The following ROBO1 variants were observed in gnomAD, a reference collection of about 807,000 sequenced individuals.
The protein encoded by ROBO1 is roundabout homolog 1.
ROBO1 carries 149 observed loss-of-function variants against 195.9 expected under a neutral mutation model. The observed-to-expected ratio is 0.76, with a 90% CI of 0.67 to 0.87. ROBO1 has a LOEUF of 0.87. Among genes scored for constraint, ROBO1 ranks in the 40% least tolerant of loss-of-function variants. The probability of loss-of-function intolerance (pLI) is 0.00; values close to 1 mark genes in which losing one functional copy is unlikely to be tolerated. For synonymous variants in ROBO1, 816 were observed against 733.2 expected (o/e 1.11, Z -1.82); for missense variants, 1,933 against 2,068.3 (o/e 0.93, Z 1.27).
intron 2 of ROBO1, among the ~76,000 whole-genome samples, chr3:79,468,170 T>C (rs946642612): frequency 8.5e-5 from 13 of 152,178 alleles, no homozygotes; most frequent in Admixed American, 2.6e-4. Context: ...AAACTAAAAG[T>C]TCCATGAAAA....
intron 5 of ROBO1, among the ~76,000 whole-genome samples, chr3:78,743,742 C>T (rs1253607317): frequency 6.6e-6 from 1 of 152,154 alleles, no homozygotes; most frequent in Non-Finnish European, 1.5e-5. Flanking sequence ...GTGTCTTCCA[C>T]GTTGCAGTTG....
intron 2 of ROBO1, among the ~76,000 whole-genome samples, chr3:79,300,167 C>T (rs566768849): frequency 1.3e-5 from 2 of 151,498 alleles, no homozygotes; most frequent in African/African-American, 4.8e-5. Flanking sequence ...GAGCCCCTTC[C>T]TGGGCTGGCC....
intron 2 of ROBO1, among the ~76,000 whole-genome samples, chr3:79,540,528 C>T (rs1002810540): frequency 3.3e-5 from 5 of 152,068 alleles, no homozygotes; most frequent in African/African-American, 1.2e-4. Context: ...CACTCCCCAT[C>T]ACGAATCTCA....
intron 2 of ROBO1, among the ~76,000 whole-genome samples, chr3:79,203,833 G>C (rs1185988556): frequency 2.6e-5 from 4 of 152,020 alleles, no homozygotes; most frequent in Admixed American, 6.6e-5. Flanking sequence ...CATCATCGGT[G>C]GTGTGAAGCC....
intron 3 of ROBO1, among the ~76,000 whole-genome samples, chr3:78,944,769 A>T (rs984516894): frequency 6.6e-6 from 1 of 152,172 alleles, no homozygotes; most frequent in Non-Finnish European, 1.5e-5. Flanking sequence ...CTAGTCAAAG[A>T]AAGGGGTGAC....
intron 4 of ROBO1, among the ~76,000 whole-genome samples, chr3:78,843,917 C>T (rs924304936): frequency 2.0e-5 from 3 of 152,042 alleles, no homozygotes; most frequent in Admixed American, 2.0e-4. Context: ...CATTAAGGTG[C>T]AGGCTACTGA....
At chr3:79,742,756 C>T (rs1188218344) in intron 1 of ROBO1, among the ~76,000 whole-genome samples, 1 of 152,126 alleles carries the variant, frequency 6.6e-6, no homozygotes, top group African/African-American at 2.4e-5. Context: ...TTCTGATTTC[C>T]CTGGTAATTC....
intron 1 of ROBO1, among the ~76,000 whole-genome samples, chr3:79,631,748 G>A (rs1945348973): frequency 6.6e-6 from 1 of 151,796 alleles, no homozygotes; most frequent in African/African-American, 2.4e-5. Flanking sequence ...TGATAATCCA[G>A]AATCTACAAG....
intron 2 of ROBO1, among the ~76,000 whole-genome samples, chr3:79,581,625 C>A (rs1188963758): frequency 2.0e-5 from 3 of 152,144 alleles, no homozygotes; most frequent in East Asian, 3.9e-4. Flanking sequence ...TAGAAAGCAA[C>A]TAACATGCTA....
At chr3:78,813,034 A>G (rs2108635993) in intron 4 of ROBO1, among the ~76,000 whole-genome samples, 1 of 152,214 alleles carries the variant, frequency 6.6e-6, no homozygotes, top group South Asian at 2.1e-4. Context: ...TTTTCTTTAG[A>G]TCTTAGAAAA....
At position 79,560,044 on chromosome 3, in the gene ROBO1, C is replaced by T. The variant is rs567268392; in HGVS notation, c.88+29780G>A. ...TTAAAAAGAAGGATACTATTGTCTTCAGCAATGGCAAATAGTTTTTAATCT... is the reference window on the plus strand; with the variant it reads ...TTAAAAAGAAGGATACTATTGTCTTTAGCAATGGCAAATAGTTTTTAATCT... On this transcript the variant is annotated intron_variant, in intron 2 of 30. Transcript: ENST00000464233. 1.9e-3 allele frequency among the ~76,000 whole-genome samples: 282 copies of T among 152,208 alleles called. 1 individual carries two copies. Among genetic ancestry groups the T allele is most frequent in the African/African-American group, 6.6e-3 (275 of 41,530 alleles).
intron 2 of ROBO1, among the ~76,000 whole-genome samples, chr3:79,135,977 A>G (rs1433934900): frequency 6.6e-6 from 1 of 152,224 alleles, no homozygotes; most frequent in Non-Finnish European, 1.5e-5. Context: ...TAAAAAGTTT[A>G]AAGGATGGTG....
At chr3:79,757,501 C>G (rs1351490861) in intron 1 of ROBO1, among the ~76,000 whole-genome samples, 37 of 141,492 alleles carry the variant, frequency 2.6e-4, no homozygotes, top group Admixed American at 2.5e-3. Flanking sequence ...CTCTCTCTCT[C>G]TCTCTCTCCA....
intron 26 of ROBO1, among the ~76,000 whole-genome samples, chr3:78,621,274 C>T (rs1704439772): frequency 6.6e-6 from 1 of 152,086 alleles, no homozygotes. Context: ...AGTTAATTTA[C>T]AGTCTTTGTC....
intron 2 of ROBO1, among the ~76,000 whole-genome samples, chr3:79,280,587 T>C (rs73122546): frequency 0.19 from 29,136 of 152,040 alleles, 3,147 homozygotes; most frequent in African/African-American, 0.3. Flanking sequence ...ATTCTCTTCC[T>C]TTTCATTTTA....
At position 79,005,866 on chromosome 3, in the gene ROBO1, C is replaced by A. The variant is rs572944031; in HGVS notation, c.173-66939G>T. Among the ~76,000 whole-genome samples the A allele has an allele frequency of 7.3e-4, 111 of 152,250 alleles. 3 individuals are homozygous for A. In the South Asian group the frequency reaches 0.022, roughly 30 times the overall value. On this transcript the variant is annotated intron_variant, in intron 3 of 30. Transcript: ENST00000464233. Reference sequence around the variant, plus strand: ...ATATTTCTGTCAAACAACTAATACTCTATTAGCAAATAATAAAACAAATAA... The same window carrying A: ...ATATTTCTGTCAAACAACTAATACTATATTAGCAAATAATAAAACAAATAA...
At chr3:79,638,657 A>G (rs764900532) in intron 1 of ROBO1, among the ~76,000 whole-genome samples, 2 of 152,200 alleles carry the variant, frequency 1.3e-5, no homozygotes, top group Non-Finnish European at 2.9e-5. Flanking sequence ...TTTCCCAAGG[A>G]AGAGTAAAAG....
At position 78,680,664 on chromosome 3, in the gene ROBO1, A is replaced by T. The variant is rs1207430586; in HGVS notation, c.1342+5082T>A. 2.7e-5 allele frequency among the ~76,000 whole-genome samples: 4 copies of T among 148,220 alleles called. No homozygotes were observed. The East Asian group carries it at 7.8e-4, about 29-fold the overall frequency. ...TCTCACACCAGTTAGAATGGCGATC[A>T]TTAAAAAGTCAGGAAACAACAGGTG... On this transcript the variant is annotated intron_variant, in intron 10 of 30. Transcript: ENST00000464233.
intron 10 of ROBO1, among the ~76,000 whole-genome samples, chr3:78,671,226 G>A (rs958415944): frequency 1.3e-5 from 2 of 151,670 alleles, no homozygotes; most frequent in Non-Finnish European, 2.9e-5. Flanking sequence ...AACTGTGTTG[G>A]AACTAGAATA....
Sources: allele counts gnomAD v4.1 joint callset (sites outside exome capture counted in the v4.1 genomes callset), GRCh38; gene constraint gnomAD v4.1.1; transcripts MANE v1.5; gene names NCBI Gene and HGNC (gene_info 2026-07-23, HGNC 2026-07-21).